NCKAP5: variants seen among roughly 807,000 people sequenced by gnomAD.
NCKAP5 encodes NCK associated protein 5.
A neutral mutation model predicts 167.0 loss-of-function variants in NCKAP5; 92 were observed. The observed-to-expected ratio is 0.55, with a 90% CI of 0.47 to 0.66. The LOEUF (loss-of-function observed/expected upper bound fraction) is 0.66. Among genes scored for constraint, NCKAP5 ranks in the 30% least tolerant of loss-of-function variants. The pLI is 0.00. For missense variants in NCKAP5, 2,378 were observed against 2,315.0 expected, an observed-to-expected ratio of 1.03 and a Z score of -0.56; for synonymous variants, 891 against 877.4, an observed-to-expected ratio of 1.02 and a Z score of -0.27.
intron 19 of NCKAP5, among the ~76,000 whole-genome samples, chr2:132,723,148 T>A: frequency 7.0e-6 from 1 of 143,420 alleles, no homozygotes; most frequent in Middle Eastern, 3.6e-3. Flanking sequence ...GTATTTTTTT[T>A]TTTTTTTTTT....
intron 2 of NCKAP5, among the ~76,000 whole-genome samples, chr2:133,541,272 A>T (rs1434888232): frequency 7.2e-6 from 1 of 138,144 alleles, no homozygotes; most frequent in Non-Finnish European, 1.6e-5. Context: ...TTAATTGAAA[A>T]ATATAATATG....
At chr2:133,428,567 G>A (rs1016022134) in intron 3 of NCKAP5, among the ~76,000 whole-genome samples, 2 of 151,940 alleles carry the variant, frequency 1.3e-5, no homozygotes, top group Non-Finnish European at 2.9e-5. Context: ...TTATAAACTC[G>A]GAGTAAAAGA....
intron 2 of NCKAP5, chr2:133,556,725 T>C (rs1687766123): frequency 6.6e-6 from 1 of 152,222 alleles, no homozygotes; most frequent in South Asian, 2.1e-4. Flanking sequence ...CAAGTTTTAT[T>C]TTGCTTATTT....
intron 4 of NCKAP5, among the ~76,000 whole-genome samples, chr2:133,230,529 TG>T (rs1476319556): frequency 5.3e-5 from 8 of 152,210 alleles, no homozygotes; most frequent in Non-Finnish European, 1.2e-4. Flanking sequence ...TCCTTTTGAC[TG>T]AGTTCTAATG....
chr2:132,753,870 C>T (rs889142682), intron 16 of NCKAP5, among the ~76,000 whole-genome samples: 2 of 152,168 alleles, frequency 1.3e-5, no homozygotes, highest in African/African-American at 4.8e-5. Flanking sequence ...GTCCAACTGC[C>T]GGCAGCCATA....
At chr2:132,859,994 C>G (rs751574721) in intron 11 of NCKAP5, among the ~76,000 whole-genome samples, 1 of 152,038 alleles carries the variant, frequency 6.6e-6, no homozygotes, top group Non-Finnish European at 1.5e-5. Flanking sequence ...AAAAGACAAC[C>G]TGTAAAAATA....
At chr2:133,207,047 C>T (rs1433773873) in intron 5 of NCKAP5, among the ~76,000 whole-genome samples, 1 of 152,120 alleles carries the variant, frequency 6.6e-6, no homozygotes, top group East Asian at 1.9e-4. Flanking sequence ...CATAGACGCT[C>T]ATCAGTAATT....
chr2:132,699,193 C>G (rs80176133), intron 19 of NCKAP5, among the ~76,000 whole-genome samples: 3,611 of 152,270 alleles, frequency 0.024, 143 homozygotes, highest in African/African-American at 0.082. Context: ...TGCACTCTCT[C>G]TTTATGGATG....
chr2:133,093,433 C>A (rs970330593), intron 6 of NCKAP5, among the ~76,000 whole-genome samples: 2 of 152,198 alleles, frequency 1.3e-5, no homozygotes, highest in South Asian at 2.1e-4. Flanking sequence ...TTACTATTCA[C>A]GAAGCTTGAC....
chr2:132,912,611 G>A (rs543881801), intron 8 of NCKAP5, among the ~76,000 whole-genome samples: 42 of 152,278 alleles, frequency 2.8e-4, no homozygotes, highest in African/African-American at 9.9e-4. Flanking sequence ...TCCAAACCAT[G>A]AATCAGGTCC....
chr2:132,920,719 G>GTA (rs60892828), intron 8 of NCKAP5, among the ~76,000 whole-genome samples: 13 of 64,688 alleles, frequency 2.0e-4, no homozygotes, highest in Non-Finnish European at 3.7e-4. Flanking sequence ...GTATATATAT[G>GTA]TATATATATA....
At chr2:133,058,362 G>A (rs987166431) in intron 6 of NCKAP5, among the ~76,000 whole-genome samples, 1 of 152,134 alleles carries the variant, frequency 6.6e-6, no homozygotes, top group Admixed American at 6.6e-5. Flanking sequence ...TCTGAGAAAA[G>A]TAAATTGAAA....
intron 4 of NCKAP5, among the ~76,000 whole-genome samples, chr2:133,248,494 G>C (rs1475492542): frequency 2.0e-5 from 3 of 152,244 alleles, no homozygotes; most frequent in African/African-American, 7.2e-5. Flanking sequence ...TAACATGTGA[G>C]AGGATTTCAG....
intron 6 of NCKAP5, among the ~76,000 whole-genome samples, chr2:133,073,839 G>A (rs528334381): frequency 1.6e-4 from 25 of 151,892 alleles, no homozygotes; most frequent in Admixed American, 3.3e-4. Flanking sequence ...ACATAACATT[G>A]CTCCAAAAAT....
intron 2 of NCKAP5, among the ~76,000 whole-genome samples, chr2:133,538,097 C>T (rs1432289): frequency 0.27 from 41,785 of 152,022 alleles, 6,274 homozygotes; most frequent in East Asian, 0.37. Flanking sequence ...ACTGCCAAAA[C>T]GAACAAACCA....
chr2:133,454,015 T>A (rs1031543721), intron 3 of NCKAP5, among the ~76,000 whole-genome samples: 2 of 152,076 alleles, frequency 1.3e-5, no homozygotes, highest in Non-Finnish European at 2.9e-5. Flanking sequence ...AATGGTTTTC[T>A]GTTAGGTTGC....
At chr2:133,001,949 G>A (rs149499053) in intron 6 of NCKAP5, among the ~76,000 whole-genome samples, 15 of 152,264 alleles carry the variant, frequency 9.9e-5, no homozygotes, top group South Asian at 2.1e-4. Flanking sequence ...TGTAGGCGTC[G>A]TATTAGGTAT....
At chr2:132,847,075 G>A (rs934803914) in intron 11 of NCKAP5, among the ~76,000 whole-genome samples, 3 of 152,078 alleles carry the variant, frequency 2.0e-5, no homozygotes, top group African/African-American at 7.2e-5. Context: ...TAGGAAATGG[G>A]CCATATTTAT....
chr2:133,634,503 C>T, the NCKAP5 span, among the ~76,000 whole-genome samples: 1 of 152,240 alleles, frequency 6.6e-6, no homozygotes, highest in African/African-American at 2.4e-5. Context: ...TTCACCACCC[C>T]ACCTTAGAAA....
Sources: allele counts gnomAD v4.1 joint callset (sites outside exome capture counted in the v4.1 genomes callset), GRCh38; gene constraint gnomAD v4.1.1; transcripts MANE v1.5; gene names NCBI Gene and HGNC (gene_info 2026-07-23, HGNC 2026-07-21).